Variants in BPIFB3 observed in about 807,000 individuals in gnomAD.
BPIFB3 encodes the protein BPI fold containing family B member 3, also known as BPI fold-containing family B member 3.
Under a neutral mutation model 53.1 loss-of-function variants are expected in BPIFB3, and 49 were observed. That is an observed-to-expected ratio of 0.92 (90% CI 0.73 to 1.17). BPIFB3 has a LOEUF of 1.17. Among genes scored for constraint, BPIFB3 ranks in the 50% most tolerant of loss-of-function variants. The pLI, the probability that BPIFB3 is intolerant of heterozygous loss-of-function variation, is 0.00. For missense variants in BPIFB3, 628 were observed against 592.5 expected (o/e 1.06, Z -0.62); for synonymous variants, 271 against 269.6 (o/e 1.01, Z -0.05).
intron 1 of BPIFB3, among the ~76,000 whole-genome samples, 170 bp downstream of exon 2, chr20:33,055,717 A>G (rs1302604129): frequency 2.0e-5 from 3 of 152,204 alleles, no homozygotes; most frequent in Non-Finnish European, 2.9e-5. Flanking sequence ...TTTCCCTTGC[A>G]GGCTTGAATG....
chr20:33,073,317 G>A (rs768973065), intron 14 of BPIFB3, among the ~76,000 whole-genome samples: 6 of 152,214 alleles, frequency 3.9e-5, no homozygotes, highest in Non-Finnish European at 5.9e-5. Flanking sequence ...GACCAAGGCT[G>A]AAGTAGGTCA....
chr20:33,063,504 G>A, intron 5 of BPIFB3, 111 bp from the exon 7 acceptor site: 7 of 1,187,338 alleles, frequency 5.9e-6, no homozygotes, highest in Non-Finnish European at 8.7e-6. Context: ...CTTCCGCCTT[G>A]CCTTGGTCCC....
intron 9 of BPIFB3, 29 bp downstream of exon 10, chr20:33,066,906 A>G: frequency 1.2e-6 from 2 of 1,607,872 alleles, no homozygotes; most frequent in Non-Finnish European, 1.7e-6. Flanking sequence ...GGTTTTGATC[A>G]TTGTAGCTCT....
exon 13 of BPIFB3, chr20:33,072,109 G>A (rs777904958): frequency 3.2e-5 from 52 of 1,614,064 alleles, no homozygotes; most frequent in South Asian, 8.8e-5. Flanking sequence ...TGCAGGGATC[G>A]CGTTTAGAAG....
chr20:33,065,760 A>G (rs1980645586), intron 8 of BPIFB3, among the ~76,000 whole-genome samples: 2 of 152,198 alleles, frequency 1.3e-5, no homozygotes, highest in East Asian at 1.9e-4. Context: ...CCCCACCCAG[A>G]GACATTTATT....
upstream of BPIFB3, among the ~76,000 whole-genome samples, chr20:33,054,168 C>T (rs965114197): frequency 6.6e-6 from 1 of 152,002 alleles, no homozygotes; most frequent in Non-Finnish European, 1.5e-5. Flanking sequence ...ATATTCACAG[C>T]CGGAGGGGTG....
At chr20:33,065,855 A>G (rs1980649640) in intron 8 of BPIFB3, among the ~76,000 whole-genome samples, 1 of 152,154 alleles carries the variant, frequency 6.6e-6, no homozygotes, top group Non-Finnish European at 1.5e-5. Context: ...TGGGGTCCAG[A>G]CAGCACTCTG....
At chr20:33,058,745 C>T (rs1431430894) in intron 2 of BPIFB3, among the ~76,000 whole-genome samples, 1 of 151,778 alleles carries the variant, frequency 6.6e-6, no homozygotes, top group Non-Finnish European at 1.5e-5. Context: ...TGGAGGCAGC[C>T]CAGGCAGGGT....
intron 12 of BPIFB3, 27 bp downstream of exon 13, chr20:33,071,322 T>C: frequency 6.4e-7 from 1 of 1,554,164 alleles, no homozygotes; most frequent in Non-Finnish European, 8.7e-7. Flanking sequence ...GTGAGGGGCT[T>C]GGCAGTGATG....
At position 33,064,437 on chromosome 20, in the gene BPIFB3, GC is replaced by G. The variant is rs778795564; in HGVS notation, c.653-15del. On this transcript the variant is annotated intron_variant, in intron 6 of 14. Transcript: ENST00000375494. Reference sequence around the variant, plus strand: ...GAACTGGGCTTATAGGGTCGTTCTCGCCCCCACTTTCCCACGCAGGCCTGGT... The same window carrying G: ...GAACTGGGCTTATAGGGTCGTTCTCGCCCCACTTTCCCACGCAGGCCTGGT... 15 of 1,604,584 alleles carry G rather than the reference GC, an allele frequency of 9.3e-6. No homozygotes were observed. The highest frequency in any genetic ancestry group is 1.2e-5 in the Non-Finnish European group (14 of 1,171,548).
intron 8 of BPIFB3, among the ~76,000 whole-genome samples, chr20:33,065,991 C>T (rs1324998287): frequency 6.6e-6 from 1 of 152,154 alleles, no homozygotes; most frequent in Admixed American, 6.5e-5. Context: ...GAGCGGCCTG[C>T]GGATGTGGGT....
At chr20:33,073,740 A>C (rs966862831), downstream of BPIFB3, 1 of 1,031,790 alleles carries the variant, frequency 9.7e-7, no homozygotes, top group Non-Finnish European at 1.5e-6. Context: ...CACTACTCCA[A>C]GTTTGGGGTG....
At chr20:33,073,474 C>A in intron 14 of BPIFB3, 102 bp from the exon 16 acceptor site, 2 of 1,225,542 alleles carry the variant, frequency 1.6e-6, no homozygotes, top group Admixed American at 2.0e-5. Flanking sequence ...CTGCTGTGTT[C>A]CAGGTACAGG....
chr20:33,066,945 A>G, intron 9 of BPIFB3, 68 bp downstream of exon 10: 2 of 1,518,024 alleles, frequency 1.3e-6, no homozygotes, highest in South Asian at 2.3e-5. Flanking sequence ...GGAGTCCAGA[A>G]TCTTTCTCAA....
chr20:33,068,761 G>T, intron 9 of BPIFB3, 42 bp from the exon 11 acceptor site: 10 of 1,588,084 alleles, frequency 6.3e-6, no homozygotes, highest in Non-Finnish European at 8.6e-6. Context: ...CTGACTGATT[G>T]TAGTCCTGGG....
chr20:33,061,760 C>G lies in BPIFB3; in HGVS notation c.528-8C>G. On this transcript the variant is annotated splice_region_variant and splice_polypyrimidine_tract_variant and intron_variant, in intron 4 of 14. Transcript: ENST00000375494. ...CAGCCGCACCCACATGTGTCTCCCT[C>G]TGCTCAGGCTGCTGCCCACACCACT... 2 of 1,614,130 alleles carry G rather than the reference C, an allele frequency of 1.2e-6. No individual in the cohort carries two copies. The highest frequency in any genetic ancestry group is 1.1e-5 in the South Asian group (1 of 91,068).
chr20:33,057,607 G>T (rs1480250894), intron 2 of BPIFB3, among the ~76,000 whole-genome samples: 1 of 151,948 alleles, frequency 6.6e-6, no homozygotes, highest in Non-Finnish European at 1.5e-5. Context: ...TAGGATTCCA[G>T]AACACTCCTG....
chr20:33,066,829 C>T (rs1980689221), exon 9 of BPIFB3: 4 of 1,614,050 alleles, frequency 2.5e-6, no homozygotes, highest in Admixed American at 1.7e-5. Flanking sequence ...TCCAGGTTCC[C>T]AGCGATGTCC....
chr20:33,059,954 CG>C lies in BPIFB3; in HGVS notation c.451del (p.Val151Ter). 6.2e-7 allele frequency: 1 copy of C among 1,614,142 alleles called. No homozygotes were observed. Among genetic ancestry groups the C allele is most frequent in the Non-Finnish European group, 8.5e-7 (1 of 1,180,018 alleles). On this transcript the variant is annotated frameshift_variant, in exon 4 of 15. Coordinates refer to ENST00000375494, the Ensembl canonical transcript of BPIFB3. LOFTEE classifies it high-confidence loss of function. ...ACGTGACATCGCGGGTGGCGCTGGC[CG>C]TGAGCTCAAGGGGCACACCCATCCT...
Sources: allele counts gnomAD v4.1 joint callset (sites outside exome capture counted in the v4.1 genomes callset), GRCh38; gene constraint gnomAD v4.1.1; transcripts MANE v1.5; gene names NCBI Gene and HGNC (gene_info 2026-07-23, HGNC 2026-07-21).